Variants in HERC4 observed in about 807,000 individuals in gnomAD.
HERC4 encodes HECT and RLD domain containing E3 ubiquitin protein ligase 4.
HERC4 carries 28 observed loss-of-function variants against 124.3 expected under a neutral mutation model. The observed-to-expected ratio is 0.23, with a 90% confidence interval of 0.17 to 0.31. HERC4 has a LOEUF of 0.31. HERC4 is among the 10% of genes least tolerant of loss of function. The probability of loss-of-function intolerance (pLI) is 1.00; values close to 1 mark genes in which losing one functional copy is unlikely to be tolerated. For synonymous variants in HERC4, 407 were observed against 421.5 expected (o/e 0.97, Z 0.42); for missense variants, 713 against 1,229.3 (o/e 0.58, Z 6.28).
chr10:67,982,216 A>C (rs976687516), intron 15 of HERC4, among the ~76,000 whole-genome samples: 3 of 152,194 alleles, frequency 2.0e-5, no homozygotes, highest in African/African-American at 7.2e-5. Context: ...TTCAAATTAT[A>C]GTGCAGCGGT....
At chr10:68,052,131 T>C (rs1192794909) in intron 3 of HERC4, among the ~76,000 whole-genome samples, 3 of 152,096 alleles carry the variant, frequency 2.0e-5, no homozygotes, top group Non-Finnish European at 1.5e-5. Flanking sequence ...TGGAAAAAAT[T>C]GCCTTCTGAA....
At chr10:68,016,209 A>G (rs926287474) in intron 8 of HERC4, among the ~76,000 whole-genome samples, 2 of 152,332 alleles carry the variant, frequency 1.3e-5, no homozygotes, top group South Asian at 2.1e-4. Flanking sequence ...AGAGCTCGAA[A>G]GCACTTCATT....
In HERC4 at chr10:67,955,227, A is replaced by G; in HGVS notation, c.2026-97T>C. ...TCTACCTATTAGTTACAGGTATTCT[A>G]TAATTCCTATGCTACTGAATTAACA... On this transcript the variant is annotated intron_variant, in intron 17 of 24. Coordinates refer to ENST00000373700, the MANE Select transcript of HERC4 (RefSeq NM_015601.4). 7 of 1,007,230 alleles carry G rather than the reference A, an allele frequency of 6.9e-6. No homozygotes were observed. In the South Asian group the frequency reaches 7.4e-5, roughly 11 times the overall value. The allele number at this position is 1,007,230 out of a possible 1,614,324, so 62.4% of individuals were successfully genotyped here. A position where few individuals can be genotyped will look rare whatever the true frequency, so the allele number is the denominator to read the frequency against.
chr10:67,965,179 G>A (rs775473364), intron 16 of HERC4: 1 of 152,052 alleles, frequency 6.6e-6, no homozygotes, highest in Non-Finnish European at 1.5e-5. Context: ...GATCTTAAAG[G>A]GCTGCTCCTT....
intron 15 of HERC4, among the ~76,000 whole-genome samples, chr10:67,984,660 G>A (rs890990981): frequency 6.6e-6 from 1 of 152,128 alleles, no homozygotes; most frequent in East Asian, 1.9e-4. Context: ...TCGACTCACT[G>A]CAACCTCCAC....
chr10:67,939,739 T>TCCATA, intron 20 of HERC4, 85 bp from the exon 21 acceptor site: 1 of 500,606 alleles, frequency 2.0e-6, no homozygotes, highest in Non-Finnish European at 3.3e-6. Context: ...TATATATATA[T>TCCATA]ACTTCTCATT....
chr10:68,029,036 GGCACAGTGGC>G (rs2039050133), intron 7 of HERC4, among the ~76,000 whole-genome samples: 1 of 151,922 alleles, frequency 6.6e-6, no homozygotes, highest in Non-Finnish European at 1.5e-5. Context: ...AAATTAGCCA[GGCACAGTGGC>G]GCCCGTAGCT....
At chr10:67,948,670 C>T (rs1221072887) in intron 19 of HERC4, among the ~76,000 whole-genome samples, 1 of 152,132 alleles carries the variant, frequency 6.6e-6, no homozygotes, top group Non-Finnish European at 1.5e-5. Context: ...CCTGTAATCC[C>T]AGCACTTTGG....
chr10:67,933,437 C>T (rs1010816896), intron 22 of HERC4, among the ~76,000 whole-genome samples: 1 of 152,114 alleles, frequency 6.6e-6, no homozygotes, highest in African/African-American at 2.4e-5. Flanking sequence ...TGAATTTGAA[C>T]CACAATCTTA....
chr10:68,025,471 C>CT, intron 8 of HERC4, 75 bp downstream of exon 8: 1 of 1,467,228 alleles, frequency 6.8e-7, no homozygotes, highest in East Asian at 2.4e-5. Flanking sequence ...ATTAGGATCT[C>CT]TGAAACAATT....
At chr10:68,061,973 T>A (rs949426365) in intron 3 of HERC4, among the ~76,000 whole-genome samples, 1 of 151,216 alleles carries the variant, frequency 6.6e-6, no homozygotes, top group Non-Finnish European at 1.5e-5. Context: ...TTACTTTAAA[T>A]TTACAACGGT....
intron 3 of HERC4, among the ~76,000 whole-genome samples, chr10:68,055,685 A>G (rs564720651): frequency 1.3e-5 from 2 of 152,268 alleles, no homozygotes; most frequent in East Asian, 3.9e-4. Context: ...ATTCAAATAT[A>G]ACATAGTTAT....
chr10:67,957,843 T>C (rs2034247036), intron 16 of HERC4, among the ~76,000 whole-genome samples: 2 of 152,202 alleles, frequency 1.3e-5, no homozygotes, highest in Admixed American at 1.3e-4. Flanking sequence ...AGTCTTGCAC[T>C]GATGCCGGGG....
intron 23 of HERC4, among the ~76,000 whole-genome samples, chr10:67,926,820 C>T (rs944137557): frequency 7.2e-5 from 11 of 152,202 alleles, no homozygotes; most frequent in Non-Finnish European, 1.6e-4. Flanking sequence ...CTCCTCCTTA[C>T]GCACCATTCA....
rs1462100032 is a variant in HERC4 at position 68,071,618 on chromosome 10, G to GT, written c.226+1264dup. On this transcript the variant is annotated intron_variant, in intron 3 of 24. Transcript: ENST00000373700. The stretch of plus-strand genomic sequence containing the variant: ...TGGAGCAGAGACAATCATCAAATGC[G>GT]TATCAGTAAATTACCATTCATTTCT... Among the ~76,000 whole-genome samples, 5 of 152,070 alleles carry GT rather than the reference G, an allele frequency of 3.3e-5. No homozygotes were observed. The South Asian group carries it at 6.2e-4, about 19-fold the overall frequency.
chr10:67,985,673 C>T (rs2036219714), intron 15 of HERC4, among the ~76,000 whole-genome samples: 1 of 152,196 alleles, frequency 6.6e-6, no homozygotes, highest in Non-Finnish European at 1.5e-5. Flanking sequence ...CTACGTGGAA[C>T]TCGGAAACTA....
chr10:67,955,294 C>CTGAG, intron 17 of HERC4, 164 bp from the exon 18 acceptor site: 1 of 578,264 alleles, frequency 1.7e-6, no homozygotes, highest in African/African-American at 2.0e-5. Context: ...ACTTAATAAA[C>CTGAG]TGAGCATAAA....
intron 16 of HERC4, among the ~76,000 whole-genome samples, chr10:67,962,833 C>A (rs115033260): frequency 2.0e-5 from 3 of 152,106 alleles, no homozygotes; most frequent in Non-Finnish European, 4.4e-5. Flanking sequence ...TTATTAGACA[C>A]GTCAGAATAA....
chr10:67,962,625 A>G (rs1362022010), intron 16 of HERC4, among the ~76,000 whole-genome samples: 1 of 152,190 alleles, frequency 6.6e-6, no homozygotes, highest in Non-Finnish European at 1.5e-5. Context: ...GGAAAACCAG[A>G]TAAAGATAAT....
Sources: allele counts gnomAD v4.1 joint callset (sites outside exome capture counted in the v4.1 genomes callset), GRCh38; gene constraint gnomAD v4.1.1; transcripts MANE v1.5; gene names NCBI Gene and HGNC (gene_info 2026-07-23, HGNC 2026-07-21).